MEGF10: variants seen among roughly 807,000 people sequenced by gnomAD.
MEGF10 encodes multiple epidermal growth factor-like domains protein 10.
In MEGF10, 86 loss-of-function variants were observed where a neutral mutation model predicts 147.5. That is an observed-to-expected ratio of 0.58 (90% CI 0.49 to 0.70). MEGF10 has a LOEUF of 0.70. Among genes scored for constraint, MEGF10 ranks in the 30% least tolerant of loss-of-function variants. The pLI is 0.00. For missense variants in MEGF10, 1,329 were observed against 1,487.3 expected (o/e 0.89, Z 1.75); for synonymous variants, 478 against 525.5 (o/e 0.91, Z 1.24).
chr5:127,323,676 G>T (rs1478293979), intron 1 of MEGF10, among the ~76,000 whole-genome samples: 2 of 152,182 alleles, frequency 1.3e-5, no homozygotes, highest in African/African-American at 4.8e-5. Flanking sequence ...AAAATTAGTG[G>T]CCTAAAGCAA....
chr5:127,265,922 T>G, the MEGF10 span, among the ~76,000 whole-genome samples: 10 of 152,352 alleles, frequency 6.6e-5, no homozygotes, highest in East Asian at 1.7e-3. Context: ...CTCCTTAGTT[T>G]AGTTAGATCC....
Position 127,457,375 on chromosome 5 carries a change from T to G in MEGF10, c.*57T>G. ...CCTTTCCAGAACTGCTGTTTGGTTC[T>G]TCTCCATCCTCAATTTTGCCACTTT... is the stretch of plus-strand genomic sequence containing the variant. On this transcript the variant is annotated 3_prime_UTR_variant, in exon 25 of 25. Coordinates refer to ENST00000503335, the MANE Select transcript of MEGF10 (RefSeq NM_001256545.2). 1 of 1,532,092 alleles carries G rather than the reference T, an allele frequency of 6.5e-7. No homozygotes were observed. The highest frequency in any genetic ancestry group is 8.8e-7 in the Non-Finnish European group (1 of 1,142,334). The allele number at this position is 1,532,092 out of a possible 1,614,324, so 94.9% of individuals were successfully genotyped here. A position where few individuals can be genotyped will look rare whatever the true frequency, so the allele number is the denominator to read the frequency against.
the MEGF10 span, among the ~76,000 whole-genome samples, chr5:127,232,078 T>C: frequency 6.6e-6 from 1 of 152,240 alleles, no homozygotes; most frequent in Non-Finnish European, 1.5e-5. Context: ...GAAAGCAGTT[T>C]TTGGACAACA....
chr5:127,455,723 G>GTATATTATTTTATTT (rs1766339821), intron 24 of MEGF10, 116 bp downstream of exon 24: 1 of 767,618 alleles, frequency 1.3e-6, no homozygotes, highest in Non-Finnish European at 2.0e-6. Flanking sequence ...ATAATGGTCC[G>GTATATTATTTTATTT]TATTTTATTT....
At position 127,443,072 on chromosome 5, in the gene MEGF10, A is replaced by G. The variant is rs1448650429; in HGVS notation, c.2437A>G (p.Ile813Val). 2.5e-6 allele frequency: 4 copies of G among 1,613,884 alleles called. No individual in the cohort carries two copies. Among genetic ancestry groups the G allele is most frequent in the Non-Finnish European group, 2.5e-6 (3 of 1,179,790 alleles). Residue 813 changes from isoleucine (I) to valine (V), a missense_variant, in exon 19 of 25, where the codon ATC (isoleucine) becomes GTC (valine). This residue lies in a region of MEGF10 where 980 missense variants were observed against 1,085.9 expected (regional missense o/e 0.90). Transcript: ENST00000503335. ...DCLNNSTCDH[I>V]TGTCYCSPGW... ...TCTGAACAACTCCACCTGCGACCACATCACTGGGACCTGTTACTGCAGCCC... is the reference window on the plus strand; with the variant it reads ...TCTGAACAACTCCACCTGCGACCACGTCACTGGGACCTGTTACTGCAGCCC...
intron 7 of MEGF10, among the ~76,000 whole-genome samples, chr5:127,401,157 C>T (rs1206374691): frequency 6.6e-6 from 1 of 152,120 alleles, no homozygotes. Flanking sequence ...ACAGACTGAC[C>T]TTCAGTATGT....
rs77204411 is a variant in MEGF10, at chr5:127,401,374, G to C, written c.781-1172G>C. Among the ~76,000 whole-genome samples the C allele has an allele frequency of 3.3e-3, 499 of 152,256 alleles. 1 individual carries two copies. The highest frequency in any genetic ancestry group is 0.011 in the African/African-American group (464 of 41,542). ...TGCTGATTCGAATCATCTCTCAAAG[G>C]CCTTTTCCATTCCAAGAGTCTGTGG... On this transcript the variant is annotated intron_variant, in intron 7 of 24. Transcript: ENST00000503335.
chr5:127,314,343 T>A lies in MEGF10; in HGVS notation c.-18-16948T>A, dbSNP rs542228368. Among the ~76,000 whole-genome samples, 72 of 151,878 alleles carry A rather than the reference T, an allele frequency of 4.7e-4. 1 individual carries two copies. The highest frequency in any genetic ancestry group is 1.7e-3 in the African/African-American group (71 of 41,412). On this transcript the variant is annotated intron_variant, in intron 1 of 24. Coordinates refer to ENST00000503335, the MANE Select transcript of MEGF10 (RefSeq NM_001256545.2). ...GAGAGAAGTAGAAGTCAGGGAGGAGTAGAATAGGAGACAAGACAAAACCAT... is the reference window on the plus strand; with the variant it reads ...GAGAGAAGTAGAAGTCAGGGAGGAGAAGAATAGGAGACAAGACAAAACCAT...
intron 5 of MEGF10, among the ~76,000 whole-genome samples, chr5:127,390,429 A>G (rs2126905151): frequency 1.3e-5 from 2 of 152,076 alleles, no homozygotes; most frequent in East Asian, 3.9e-4. Context: ...AGCTGAGACT[A>G]CCAGTGCAAG....
chr5:127,370,813 C>T (rs1403316371), intron 5 of MEGF10, among the ~76,000 whole-genome samples: 3 of 152,038 alleles, frequency 2.0e-5, no homozygotes, highest in South Asian at 2.1e-4. Flanking sequence ...CTTCTTTTTT[C>T]GCCTTGAGAA....
the MEGF10 span, among the ~76,000 whole-genome samples, chr5:127,255,525 G>A: frequency 1.3e-5 from 2 of 152,164 alleles, no homozygotes; most frequent in Admixed American, 6.6e-5. Context: ...CCAGGAATGA[G>A]TGAGGACAGC....
chr5:127,450,759 GTTTTT>G (rs1372026460), intron 22 of MEGF10, among the ~76,000 whole-genome samples: 1 of 151,540 alleles, frequency 6.6e-6, no homozygotes. Flanking sequence ...GTTTTGTTTT[GTTTTT>G]GTTTTTGTTT....
chr5:127,360,027 T>C (rs1430203353), intron 4 of MEGF10, among the ~76,000 whole-genome samples: 1 of 152,116 alleles, frequency 6.6e-6, no homozygotes. Context: ...ATCGATATCT[T>C]ATTAATAGAG....
rs200086613 is a variant in MEGF10 at position 127,294,799 on chromosome 5, AAATAATAATAATAAT to A, written c.-19+3767_-19+3781del. Among the ~76,000 whole-genome samples the A allele has an allele frequency of 2.9e-3, 317 of 108,064 alleles. 1 individual carries two copies. Among genetic ancestry groups the A allele is most frequent in the African/African-American group, 8.9e-3 (303 of 34,196 alleles). 70.9% of individuals were successfully genotyped at this position (108,064 alleles called of 152,430 possible). On this transcript the variant is annotated intron_variant, in intron 1 of 24. Coordinates refer to ENST00000503335, the MANE Select transcript of MEGF10 (RefSeq NM_001256545.2). Reference sequence around the variant, plus strand: ...GGGTGACAGAGTGAGACTCTGTCTCAAATAATAATAATAATAATAATAATAATAATAATAATAAAT... The same window carrying A: ...GGGTGACAGAGTGAGACTCTGTCTCAAATAATAATAATAATAATAATAAAT...
At chr5:127,229,421 G>A in the MEGF10 span, 1 of 151,690 alleles carries the variant, frequency 6.6e-6, no homozygotes, top group African/African-American at 2.4e-5. Context: ...CCTCGTCCTC[G>A]CGCCGGCGAC....
intron 4 of MEGF10, among the ~76,000 whole-genome samples, chr5:127,361,806 T>C (rs1345031201): frequency 6.6e-6 from 1 of 152,174 alleles, no homozygotes; most frequent in Admixed American, 6.5e-5. Context: ...AAGTATGTTA[T>C]TCAGTTCCAA....
intron 6 of MEGF10, among the ~76,000 whole-genome samples, 188 bp from the exon 7 acceptor site, chr5:127,398,487 AG>A (rs1259514073): frequency 6.6e-6 from 1 of 152,184 alleles, no homozygotes; most frequent in Non-Finnish European, 1.5e-5. Flanking sequence ...CCCAAAACAA[AG>A]GGAAGGACTG....
chr5:127,441,926 G>A (rs1000986890), intron 18 of MEGF10, among the ~76,000 whole-genome samples: 7 of 152,100 alleles, frequency 4.6e-5, no homozygotes, highest in Admixed American at 1.3e-4. Context: ...CAAAAGTGAC[G>A]TCCAGGAATC....
chr5:127,246,765 T>G, the MEGF10 span, among the ~76,000 whole-genome samples: 1 of 140,826 alleles, frequency 7.1e-6, no homozygotes, highest in African/African-American at 2.6e-5. Flanking sequence ...CATAAAATAT[T>G]TATAAATTAT....
Sources: gnomAD v4.1 joint callset for allele counts (sites outside exome capture counted in the v4.1 genomes callset) on GRCh38, gnomAD v4.1.1 for gene constraint, gnomAD v4.1.1 regional missense constraint, MANE v1.5 for transcripts, NCBI Gene and HGNC (gene_info 2026-07-23, HGNC 2026-07-21) for gene names.